The following TUT4 variants were observed in gnomAD, a reference collection of about 807,000 sequenced individuals.
TUT4 encodes terminal uridylyl transferase 4.
TUT4 carries 36 observed loss-of-function variants against 192.2 expected under a neutral mutation model. That is an observed-to-expected ratio of 0.19 (90% CI 0.14 to 0.25). TUT4 has a LOEUF of 0.25. TUT4 is among the 10% of genes least tolerant of loss of function. The pLI is 1.00. For missense variants in TUT4, 1,493 were observed against 1,957.2 expected, an observed-to-expected ratio of 0.76 and a Z score of 4.47; for synonymous variants, 618 against 666.0, an observed-to-expected ratio of 0.93 and a Z score of 1.11.
At chr1:52,437,173 A>G (rs1009346356) in intron 25 of TUT4, 195 bp from the exon 26 acceptor site, 22 of 606,382 alleles carry the variant, frequency 3.6e-5, no homozygotes, top group Middle Eastern at 4.6e-4. Flanking sequence ...TTGTAAAACA[A>G]TATTATATTA....
chr1:52,436,682 G>C, intron 26 of TUT4, 73 bp downstream of exon 26: 1 of 1,592,422 alleles, frequency 6.3e-7, no homozygotes, highest in African/African-American at 1.3e-5. Flanking sequence ...AGAGGAATTA[G>C]GGTCATTTAG....
intron 18 of TUT4, 39 bp from the exon 19 acceptor site, chr1:52,461,262 C>G: frequency 1.3e-6 from 2 of 1,543,196 alleles, no homozygotes; most frequent in Non-Finnish European, 1.8e-6. Context: ...TTTCAAATTT[C>G]GTAAAATTAA....
At chr1:52,427,658 T>G (rs1650431173) in intron 28 of TUT4, among the ~76,000 whole-genome samples, 1 of 152,256 alleles carries the variant, frequency 6.6e-6, no homozygotes, top group African/African-American at 2.4e-5. Flanking sequence ...AGTTACCATA[T>G]TCTGGCATTT....
chr1:52,543,820 T>C (rs1474024319), intron 1 of TUT4, among the ~76,000 whole-genome samples: 1 of 151,702 alleles, frequency 6.6e-6, no homozygotes, highest in South Asian at 2.1e-4. Context: ...CCCAAAGCAA[T>C]CTAAACATTT....
At chr1:52,519,159 A>C (rs1679528025) in intron 2 of TUT4, among the ~76,000 whole-genome samples, 1 of 152,228 alleles carries the variant, frequency 6.6e-6, no homozygotes, top group Non-Finnish European at 1.5e-5. Flanking sequence ...AACAAAATGT[A>C]ATATATCCAT....
intron 19 of TUT4, 78 bp from the exon 20 acceptor site, chr1:52,458,527 A>AT (rs1661598289): frequency 4.2e-5 from 46 of 1,096,564 alleles, no homozygotes; most frequent in Middle Eastern, 2.1e-4. Flanking sequence ...CTGCCACATC[A>AT]TTTTTTTTAA....
intron 1 of TUT4, among the ~76,000 whole-genome samples, chr1:52,536,273 T>C (rs1397610459): frequency 3.3e-5 from 5 of 152,174 alleles, no homozygotes; most frequent in South Asian, 4.1e-4. Flanking sequence ...AGCAGAGTAT[T>C]TGCGTACTAT....
rs540327684 is a variant in TUT4, at chr1:52,449,814, C to A, written c.3436-3147G>T. ...CCTTGAGATTCCCTGGCAACCACCA[C>A]TCTACTTTCTGTCCCTATGAATTTG... On this transcript the variant is annotated intron_variant, in intron 20 of 29. Transcript: ENST00000257177. Among the ~76,000 whole-genome samples the A allele has an allele frequency of 7.2e-5, 11 of 152,314 alleles. No homozygotes were observed. The South Asian group carries it at 2.3e-3, about 32-fold the overall frequency.
chr1:52,470,646 A>C (rs759463977), intron 14 of TUT4, among the ~76,000 whole-genome samples: 3 of 152,150 alleles, frequency 2.0e-5, no homozygotes, highest in Non-Finnish European at 2.9e-5. Flanking sequence ...AAAGCCAGAC[A>C]AAAAAAGAAT....
chr1:52,497,746 TATTA>T (rs1244390222), intron 4 of TUT4, among the ~76,000 whole-genome samples: 1 of 152,226 alleles, frequency 6.6e-6, no homozygotes, highest in Non-Finnish European at 1.5e-5. Flanking sequence ...CAATGACTTT[TATTA>T]ATTATTTTCT....
chr1:52,431,390 G>GTAA lies in TUT4; in HGVS notation c.4331_4333dup (p.Ile1444dup). ...GGATCCTGGCTGAGATGAAGGCTGA[G>GTAA]TAATAGCAGCTGACTGGGAAGAGTT... On this transcript the variant is annotated inframe_insertion, in exon 28 of 30. Transcript: ENST00000257177. The GTAA allele has an allele frequency of 3.1e-6, 5 of 1,614,142 alleles. No individual in the cohort carries two copies. Among genetic ancestry groups the GTAA allele is most frequent in the Non-Finnish European group, 4.2e-6 (5 of 1,180,010 alleles).
In TUT4 at chr1:52,497,069, C is replaced by T; in HGVS notation, c.1114G>A (p.Asp372Asn). 1 of 1,614,026 alleles carries T rather than the reference C, an allele frequency of 6.2e-7. No individual in the cohort carries two copies. Among genetic ancestry groups the T allele is most frequent in the Admixed American group, 1.7e-5 (1 of 59,994 alleles). Reference protein sequence around the residue: ...LAKEHGITDDDLRVRQEIVEE... With the variant: ...LAKEHGITDDNLRVRQEIVEE... ...ACAATTTCCTGACGGACTCTGAGGT[C>T]ATCATCTGTTATTCCATGTTCTTTT... Residue 372 changes from aspartate (D) to asparagine (N), a missense_variant, in exon 5 of 30, where the codon GAC (aspartate) becomes AAC (asparagine). Physicochemically the swap from Asp to Asn is conservative, Grantham distance 23. This residue lies in a region of TUT4 where 437 missense variants were observed against 577.6 expected (regional missense o/e 0.76). Transcript: ENST00000257177.
intron 14 of TUT4, among the ~76,000 whole-genome samples, chr1:52,471,175 C>A (rs1031243729): frequency 3.3e-5 from 5 of 152,006 alleles, no homozygotes; most frequent in African/African-American, 1.2e-4. Context: ...GGCCACCATG[C>A]CCAGCTAATT....
At chr1:52,543,353 A>G (rs1279543580) in intron 1 of TUT4, among the ~76,000 whole-genome samples, 2 of 152,212 alleles carry the variant, frequency 1.3e-5, no homozygotes, top group Non-Finnish European at 2.9e-5. Flanking sequence ...CAAAAAGAAT[A>G]AAGTACTAAG....
At chr1:52,537,086 G>A (rs1028224164) in intron 1 of TUT4, among the ~76,000 whole-genome samples, 2 of 152,086 alleles carry the variant, frequency 1.3e-5, no homozygotes, top group African/African-American at 4.8e-5. Flanking sequence ...CTTGAACCCA[G>A]GAGGCGGAGG....
intron 1 of TUT4, among the ~76,000 whole-genome samples, chr1:52,540,288 G>A (rs948863371): frequency 2.0e-5 from 3 of 151,632 alleles, no homozygotes; most frequent in East Asian, 1.9e-4. Flanking sequence ...AGGCCAAGGC[G>A]GGTGGATCAC....
Position 52,436,886 on chromosome 1 carries a change from C to T in TUT4, c.4031G>A (p.Arg1344Gln). 1.9e-6 allele frequency: 3 copies of T among 1,613,940 alleles called. No individual in the cohort carries two copies. The highest frequency in any genetic ancestry group is 2.5e-6 in the Non-Finnish European group (3 of 1,179,980). The change falls in exon 26 of 30, where the codon CGA becomes CAA. Residue 1344 changes from arginine to glutamine, a missense_variant. Physicochemically the swap from Arg to Gln is conservative, Grantham distance 43. Transcript: ENST00000257177. ...EKDSRDVLDP[R>Q]DLHDTRDFRD... is the part of the protein sequence containing the mutation. ...AAAGTCTCGAGTATCGTGGAGGTCT[C>T]GGGGGTCAAGAACATCTCGGGAATC...
chr1:52,479,774 C>A (rs1015244917), intron 11 of TUT4, among the ~76,000 whole-genome samples: 12 of 151,898 alleles, frequency 7.9e-5, no homozygotes, highest in Admixed American at 6.6e-4. Flanking sequence ...GCGGGTGGAT[C>A]ACGAGATCAG....
chr1:52,495,321 T>C, intron 6 of TUT4, 106 bp downstream of exon 6: 1 of 644,220 alleles, frequency 1.6e-6, no homozygotes, highest in Non-Finnish European at 2.5e-6. Flanking sequence ...GGTAACACTA[T>C]ACAAACCAGA....
Sources: gnomAD v4.1 joint callset for allele counts (sites outside exome capture counted in the v4.1 genomes callset) on GRCh38, gnomAD v4.1.1 for gene constraint, gnomAD v4.1.1 regional missense constraint, MANE v1.5 for transcripts, NCBI Gene and HGNC (gene_info 2026-07-23, HGNC 2026-07-21) for gene names.